The following TLR1 variants were observed in gnomAD, a reference collection of about 807,000 sequenced individuals.
TLR1 encodes toll like receptor 1.
A neutral mutation model predicts 20.2 loss-of-function variants in TLR1; 19 were observed. The ratio of observed to expected loss-of-function variants is 0.94; its 90% confidence interval spans 0.66 to 1.38. The LOEUF (loss-of-function observed/expected upper bound fraction) is 1.38. TLR1 is among the 40% of genes most tolerant of loss of function. TLR1 has a pLI of 0.00. For missense variants in TLR1, 921 were observed against 910.0 expected (o/e 1.01, Z -0.16); for synonymous variants, 320 against 334.5 (o/e 0.96, Z 0.47).
In TLR1 at chr4:38,797,087, A is replaced by G. The variant is rs773313089; in HGVS notation, c.1745T>C (p.Leu582Pro). 1 of 1,614,152 alleles carries G rather than the reference A, an allele frequency of 6.2e-7. No individual in the cohort carries two copies. Among genetic ancestry groups the G allele is most frequent in the Non-Finnish European group, 8.5e-7 (1 of 1,180,064 alleles). ...MSELSCNITL[L>P]IVTIVATMLV... ...CATGGTGGCAACGATGGTGACGATCAGCAGAGTTATGTTGCAGGATAATTC... is the reference window on the plus strand; with the variant it reads ...CATGGTGGCAACGATGGTGACGATCGGCAGAGTTATGTTGCAGGATAATTC... Residue 582 changes from leucine (L) to proline (P), a missense_variant, in exon 4 of 4, where the codon CTG (leucine) becomes CCG (proline). By Grantham distance (98) the Leu-to-Pro change is moderately conservative. Coordinates refer to ENST00000308979, the MANE Select transcript of TLR1 (RefSeq NM_003263.4).
In TLR1 at chr4:38,797,641, C is replaced by T. The variant is rs776876375; in HGVS notation, c.1191G>A (p.Met397Ile). ...TAATATCCAATTGTTGCAGAGACTT[C>T]ATCTGTGTAGTCATTTCAGCTATTT... ...LSKIAEMTTQ[M>I]KSLQQLDISQ... The change falls in exon 4 of 4, where the codon ATG becomes ATA. Residue 397 changes from methionine (M) to isoleucine (I), a missense_variant. Transcript: ENST00000308979. The T allele has an allele frequency of 1.2e-6, 2 of 1,613,868 alleles. No individual in the cohort carries two copies. The highest frequency in any genetic ancestry group is 1.7e-6 in the Non-Finnish European group (2 of 1,179,982).
In TLR1 at chr4:38,798,821, A is replaced by G. The variant is rs1486210434; in HGVS notation, c.11T>C (p.Ile4Thr). 5 of 1,592,480 alleles carry G rather than the reference A, an allele frequency of 3.1e-6. No individual in the cohort carries two copies. The highest frequency in any genetic ancestry group is 4.3e-6 in the Non-Finnish European group (5 of 1,169,180). Residue 4 changes from isoleucine (I) to threonine (T), a missense_variant, in exon 4 of 4, where the codon ATC becomes ACC. Ile to Thr is a moderately conservative substitution (Grantham distance 89). Coordinates refer to ENST00000308979, the MANE Select transcript of TLR1 (RefSeq NM_003263.4). The stretch of plus-strand genomic sequence containing the variant: ...CATGAAGATAATGGCAAAATGGAAG[A>G]TGCTAGTCATTTTGGAACACTAGAC... MTS[I>T]FHFAIIFMLI...
At chr4:38,789,487 T>C (rs1170686628), downstream of TLR1, among the ~76,000 whole-genome samples, 10 of 148,872 alleles carry the variant, frequency 6.7e-5, no homozygotes, top group Non-Finnish European at 1.2e-4. Context: ...TTTTCTTTTC[T>C]TTTTTTTTTG....
At position 38,796,373 on chromosome 4, in the gene TLR1, T is replaced by A. The variant is rs1016453412; in HGVS notation, c.*98A>T. ...TTTTACCTACATCATACACTCACAATTGTGTTTACATCTATGCTGATGCAA... is the reference window on the plus strand; with the variant it reads ...TTTTACCTACATCATACACTCACAAATGTGTTTACATCTATGCTGATGCAA... On this transcript the variant is annotated 3_prime_UTR_variant, in exon 4 of 4. Coordinates refer to ENST00000308979, the MANE Select transcript of TLR1 (RefSeq NM_003263.4). 7.4e-7 allele frequency: 1 copy of A among 1,351,378 alleles called. No homozygotes were observed. The highest frequency in any genetic ancestry group is 2.3e-5 in the East Asian group (1 of 42,618). The allele number at this position is 1,351,378 out of a possible 1,614,324, so 83.7% of individuals were successfully genotyped here.
Position 38,796,399 on chromosome 4 carries a change from A to C in TLR1, c.*72T>G. The C allele has an allele frequency of 6.5e-7, 1 of 1,529,610 alleles. No homozygotes were observed. The highest frequency in any genetic ancestry group is 8.9e-7 in the Non-Finnish European group (1 of 1,128,146). The allele number at this position is 1,529,610 out of a possible 1,614,324, so 94.8% of individuals were successfully genotyped here. On this transcript the variant is annotated 3_prime_UTR_variant, in exon 4 of 4. Transcript: ENST00000308979. ...TGTGTTTACATCTATGCTGATGCAA[A>C]ATAAAGTCATTGTTGGAACTTCCAA...
intron 2 of TLR1, among the ~76,000 whole-genome samples, chr4:38,802,583 C>A (rs1441664851): frequency 6.6e-6 from 1 of 152,254 alleles, no homozygotes; most frequent in African/African-American, 2.4e-5. Context: ...CAGAAGCCTG[C>A]CAACAAATAA....
chr4:38,803,395 C>A (rs1458919613), intron 2 of TLR1, among the ~76,000 whole-genome samples: 1 of 152,200 alleles, frequency 6.6e-6, no homozygotes, highest in Non-Finnish European at 1.5e-5. Context: ...TAAGTTTCTA[C>A]GACCCATATG....
At chr4:38,790,862 C>T (rs1435501613) in exon 4 of TLR1, 2 of 152,178 alleles carry the variant, frequency 1.3e-5, no homozygotes, top group Non-Finnish European at 2.9e-5. Flanking sequence ...TAAGAAACGT[C>T]TGTAACTTCA....
chr4:38,792,294 T>C (rs1022252605), downstream of TLR1, among the ~76,000 whole-genome samples: 1 of 152,186 alleles, frequency 6.6e-6, no homozygotes, highest in Non-Finnish European at 1.5e-5. Context: ...CATTTCCTTA[T>C]TTGTTTGTTG....
chr4:38,787,656 A>G (rs1413039853), downstream of TLR1, among the ~76,000 whole-genome samples: 1 of 152,164 alleles, frequency 6.6e-6, no homozygotes, highest in Non-Finnish European at 1.5e-5. Context: ...AAAAATTACT[A>G]GCAAGATATT....
chr4:38,799,675 T>C (rs939211150), intron 3 of TLR1, among the ~76,000 whole-genome samples: 3 of 152,212 alleles, frequency 2.0e-5, no homozygotes, highest in Non-Finnish European at 2.9e-5. Flanking sequence ...CATCTCCCCA[T>C]GACTTTCTCA....
Position 38,798,037 on chromosome 4 carries a change from G to A in TLR1, c.795C>T (p.Leu265=), listed in dbSNP as rs368036827. 5.0e-5 allele frequency: 80 copies of A among 1,613,950 alleles called. No individual in the cohort carries two copies. The highest frequency in any genetic ancestry group is 6.1e-5 in the Non-Finnish European group (72 of 1,179,986). ...ATACAGTTGTATGCCAAACCAGCTGGAGGATCCTAATGAAAGAATTCCAAG... is the reference window on the plus strand; with the variant it reads ...ATACAGTTGTATGCCAAACCAGCTGAAGGATCCTAATGAAAGAATTCCAAG... ...ETTWNSFIRI[L]QLVWHTTVWY... Residue 265 remains leucine (L), a synonymous_variant, in exon 4 of 4, where the codon CTC becomes CTT. Transcript: ENST00000308979.
In TLR1 at chr4:38,798,900, T is replaced by C. The variant is rs1215713568; in HGVS notation, c.-67-2A>G. 1.0e-5 allele frequency: 12 copies of C among 1,185,172 alleles called. No homozygotes were observed. The East Asian group carries it at 3.0e-4, about 29-fold the overall frequency. The allele number at this position is 1,185,172 out of a possible 1,614,324, so 73.4% of individuals were successfully genotyped here. A position where few individuals can be genotyped will look rare whatever the true frequency, so the allele number is the denominator to read the frequency against. On this transcript the variant is annotated splice_acceptor_variant, in intron 3 of 3. Transcript: ENST00000308979. LOFTEE classifies it low-confidence loss of function (5UTR_SPLICE). ...ATCATCTTGATACAGATACAGATTC[T>C]AGAAAAAAAATAATGAAATGATGAA...
downstream of TLR1, among the ~76,000 whole-genome samples, chr4:38,789,459 G>T (rs886398340): frequency 4.6e-5 from 7 of 151,954 alleles, no homozygotes; most frequent in African/African-American, 1.7e-4. Flanking sequence ...CTAACTCAAT[G>T]GTTTACTTTT....
chr4:38,788,941 T>C (rs529672370), downstream of TLR1, among the ~76,000 whole-genome samples: 2 of 152,226 alleles, frequency 1.3e-5, no homozygotes, highest in African/African-American at 4.8e-5. Context: ...AGGAGTTTGA[T>C]GTTACAGTGA....
downstream of TLR1, chr4:38,796,217 T>G: frequency 2.2e-6 from 1 of 454,514 alleles, no homozygotes; most frequent in Non-Finnish European, 3.9e-6. Context: ...TCATGATAAA[T>G]TCAGAACTCA....
At chr4:38,794,136 T>C (rs548698755), downstream of TLR1, among the ~76,000 whole-genome samples, 9 of 152,310 alleles carry the variant, frequency 5.9e-5, no homozygotes, top group South Asian at 2.1e-4. Flanking sequence ...AAATAGACTT[T>C]GTTAAAATAG....
At chr4:38,792,550 G>C (rs1305874456), downstream of TLR1, among the ~76,000 whole-genome samples, 1 of 151,832 alleles carries the variant, frequency 6.6e-6, no homozygotes, top group Admixed American at 6.6e-5. Flanking sequence ...TGAGTTGCTG[G>C]GATTACAGAA....
chr4:38,803,645 AC>A (rs1358198368), intron 2 of TLR1, among the ~76,000 whole-genome samples: 2 of 152,216 alleles, frequency 1.3e-5, no homozygotes, highest in East Asian at 3.8e-4. Context: ...AATTTTATAT[AC>A]CAAACTTGCT....
Sources: gnomAD v4.1 joint callset for allele counts (sites outside exome capture counted in the v4.1 genomes callset) on GRCh38, gnomAD v4.1.1 for gene constraint, MANE v1.5 for transcripts, NCBI Gene and HGNC (gene_info 2026-07-23, HGNC 2026-07-21) for gene names.